The following RNF24 variants were observed in gnomAD, a reference collection of about 807,000 sequenced individuals.
RNF24 encodes the protein ring finger protein 24.
Under a neutral mutation model 20.0 loss-of-function variants are expected in RNF24, and 14 were observed. The observed-to-expected ratio is 0.70, with a 90% confidence interval of 0.46 to 1.10. The LOEUF (loss-of-function observed/expected upper bound fraction) is 1.10, where lower values mean the gene tolerates loss of function less well. Ranked by LOEUF, RNF24 falls within the 50% of genes least tolerant of loss-of-function variation. The pLI, the probability that RNF24 is intolerant of heterozygous loss-of-function variation, is 0.00. For synonymous variants in RNF24, 45 were observed against 61.1 expected (o/e 0.74, Z 1.23); for missense variants, 124 against 177.6 (o/e 0.70, Z 1.71).
At chr20:3,993,418 G>C (rs1336998219) in intron 1 of RNF24, among the ~76,000 whole-genome samples, 10 of 152,062 alleles carry the variant, frequency 6.6e-5, no homozygotes. Flanking sequence ...CTCCCGAGTA[G>C]CTGGATTACA....
At chr20:3,982,090 A>G (rs1325576053) in intron 1 of RNF24, among the ~76,000 whole-genome samples, 9 of 118,524 alleles carry the variant, frequency 7.6e-5, no homozygotes, top group Admixed American at 7.1e-4. Flanking sequence ...CCTGGGCAAC[A>G]GGGTGAGACC....
At chr20:3,960,442 G>C (rs917164369) in intron 2 of RNF24, among the ~76,000 whole-genome samples, 1 of 152,096 alleles carries the variant, frequency 6.6e-6, no homozygotes, top group African/African-American at 2.4e-5. Flanking sequence ...GGCTGAGGCA[G>C]GCGGATCACA....
intron 1 of RNF24, among the ~76,000 whole-genome samples, chr20:3,969,895 C>T (rs1342448754): frequency 3.3e-5 from 5 of 151,976 alleles, no homozygotes; most frequent in Non-Finnish European, 7.4e-5. Context: ...CTCAGCCTCC[C>T]GAGTAGCTGG....
intron 1 of RNF24, among the ~76,000 whole-genome samples, chr20:3,972,963 G>A (rs1978496876): frequency 6.6e-6 from 1 of 151,688 alleles, no homozygotes; most frequent in Admixed American, 6.6e-5. Context: ...AGCACTTTGG[G>A]AGGCCGAGGC....
At chr20:3,991,128 A>T (rs1474487510) in intron 1 of RNF24, among the ~76,000 whole-genome samples, 1 of 152,116 alleles carries the variant, frequency 6.6e-6, no homozygotes, top group Admixed American at 6.5e-5. Flanking sequence ...ACCTGTTTAT[A>T]ATATCTTTAG....
In RNF24 at chr20:3,930,131, C is replaced by T. The variant is rs1193350645; in HGVS notation, c.*3932G>A. ...GGTATTCATGGAGTGAGGAGCGGAG[C>T]TTGCTAGGCATCAGGAACTCAAGAA... On this transcript the variant is annotated 3_prime_UTR_variant, in exon 6 of 6. Coordinates refer to ENST00000358395, the MANE Select transcript of RNF24 (RefSeq NM_001134337.3). 4 of 152,234 alleles carry T rather than the reference C, an allele frequency of 2.6e-5. No individual in the cohort carries two copies. Among genetic ancestry groups the T allele is most frequent in the Non-Finnish European group, 4.4e-5 (3 of 68,040 alleles). 9.4% of individuals were successfully genotyped at this position (152,234 alleles called of 1,614,324 possible).
At chr20:3,971,825 T>C (rs1978379235) in intron 1 of RNF24, among the ~76,000 whole-genome samples, 1 of 152,126 alleles carries the variant, frequency 6.6e-6, no homozygotes, top group Non-Finnish European at 1.5e-5. Flanking sequence ...AGCTTAAGTA[T>C]AAATGATTTA....
At chr20:3,960,621 T>C (rs1000293108) in intron 2 of RNF24, among the ~76,000 whole-genome samples, 9 of 151,848 alleles carry the variant, frequency 5.9e-5, no homozygotes, top group African/African-American at 2.2e-4. Context: ...TGAGCCAAGA[T>C]TGCACCACTG....
intron 4 of RNF24, among the ~76,000 whole-genome samples, chr20:3,936,346 G>GCT (rs1476146706): frequency 6.6e-6 from 1 of 152,216 alleles, no homozygotes; most frequent in Non-Finnish European, 1.5e-5. Context: ...TCCTCACAGA[G>GCT]CTCTGTTCCT....
rs1200317612 is a variant in RNF24 at position 3,932,018 on chromosome 20, A to G, written c.*2045T>C. 2 of 152,244 alleles carry G rather than the reference A, an allele frequency of 1.3e-5. No homozygotes were observed. The highest frequency in any genetic ancestry group is 4.8e-5 in the African/African-American group (2 of 41,468). 9.4% of individuals were successfully genotyped at this position (152,244 alleles called of 1,614,324 possible). A position where few individuals can be genotyped will look rare whatever the true frequency, so the allele number is the denominator to read the frequency against. ...TGCAACTTTCAGTTGGGAGAATCCT[A>G]TAAAAGCTGTGAGCAGCAATAATTT... On this transcript the variant is annotated 3_prime_UTR_variant, in exon 6 of 6. Coordinates refer to ENST00000358395, the MANE Select transcript of RNF24 (RefSeq NM_001134337.3).
chr20:3,978,538 A>T (rs1600683631), intron 1 of RNF24, among the ~76,000 whole-genome samples: 1 of 152,106 alleles, frequency 6.6e-6, no homozygotes, highest in African/African-American at 2.4e-5. Flanking sequence ...ATCAAAAAAG[A>T]CTCTAAAATT....
rs968090940 is a variant in RNF24, at chr20:3,933,136, G to C, written c.*927C>G. 3 of 397,414 alleles carry C rather than the reference G, an allele frequency of 7.5e-6. No individual in the cohort carries two copies. The highest frequency in any genetic ancestry group is 6.3e-4 in the Middle Eastern group (1 of 1,590). 24.6% of individuals were successfully genotyped at this position (397,414 alleles called of 1,614,324 possible). On this transcript the variant is annotated 3_prime_UTR_variant, in exon 6 of 6. Coordinates refer to ENST00000358395, the MANE Select transcript of RNF24 (RefSeq NM_001134337.3). The stretch of plus-strand genomic sequence containing the variant: ...CAAGAGAGAGAAGAGATGGAAGGAG[G>C]GGGAGAGGCCAAAGGGTCGGCATTC...
intron 1 of RNF24, among the ~76,000 whole-genome samples, chr20:3,998,057 C>T (rs1307838251): frequency 1.3e-5 from 2 of 152,230 alleles, no homozygotes; most frequent in Admixed American, 1.3e-4. Flanking sequence ...TCTAAGTATC[C>T]TGTCCCCAAC....
intron 2 of RNF24, among the ~76,000 whole-genome samples, chr20:3,959,891 TGA>T (rs1474246610): frequency 1.3e-5 from 2 of 152,140 alleles, no homozygotes; most frequent in African/African-American, 4.8e-5. Flanking sequence ...TCTGAGTGTT[TGA>T]GATATAACAA....
At chr20:4,008,905 T>C (rs1283684824) in intron 1 of RNF24, among the ~76,000 whole-genome samples, 1 of 152,108 alleles carries the variant, frequency 6.6e-6, no homozygotes, top group Non-Finnish European at 1.5e-5. Flanking sequence ...GGGCAAAATT[T>C]GATCATTAAT....
intron 2 of RNF24, 34 bp downstream of exon 2, chr20:3,963,841 T>A (rs770510724): frequency 1.4e-6 from 2 of 1,469,226 alleles, no homozygotes; most frequent in South Asian, 2.5e-5. Flanking sequence ...TTATTTAACA[T>A]ATTTTGAAGT....
chr20:3,973,737 AC>A (rs1978603832), intron 1 of RNF24, among the ~76,000 whole-genome samples: 1 of 152,164 alleles, frequency 6.6e-6, no homozygotes, highest in Non-Finnish European at 1.5e-5. Context: ...TATCAAAGAA[AC>A]TGAATTAGTC....
chr20:3,946,105 T>C (rs2091012956), intron 3 of RNF24, among the ~76,000 whole-genome samples: 1 of 152,216 alleles, frequency 6.6e-6, no homozygotes, highest in Admixed American at 6.5e-5. Context: ...CAATTTCACT[T>C]AAATGACTGC....
intron 1 of RNF24, among the ~76,000 whole-genome samples, chr20:3,997,377 A>G: frequency 6.6e-6 from 1 of 151,990 alleles, no homozygotes; most frequent in East Asian, 1.9e-4. Context: ...GTATTCACAG[A>G]CCATTTAGAA....
Sources: allele counts gnomAD v4.1 joint callset (sites outside exome capture counted in the v4.1 genomes callset), GRCh38; gene constraint gnomAD v4.1.1; transcripts MANE v1.5; gene names NCBI Gene and HGNC (gene_info 2026-07-23, HGNC 2026-07-21).